The following LDLRAD4 variants were observed in gnomAD, a reference collection of about 807,000 sequenced individuals.
LDLRAD4 encodes the protein low-density lipoprotein receptor class A domain-containing protein 4.
LDLRAD4 carries 5 observed loss-of-function variants against 17.0 expected under a neutral mutation model. That is an observed-to-expected ratio of 0.29 (90% confidence interval 0.15 to 0.62). The LOEUF (loss-of-function observed/expected upper bound fraction) is 0.62, where lower values mean the gene tolerates loss of function less well. Among genes scored for constraint, LDLRAD4 ranks in the 20% least tolerant of loss-of-function variants. The pLI is 0.84. For synonymous variants in LDLRAD4, 168 were observed against 171.8 expected (o/e 0.98, Z 0.17); for missense variants, 340 against 424.7 (o/e 0.80, Z 1.75).
chr18:13,437,812 C>T (rs556143098), intron 2 of LDLRAD4, among the ~76,000 whole-genome samples: 81 of 152,338 alleles, frequency 5.3e-4, no homozygotes, highest in Non-Finnish European at 1.0e-3. Context: ...GTTAAGCCAG[C>T]GCTCCTGAGT....
chr18:13,610,305 T>TTTCTA (rs1491536129), intron 3 of LDLRAD4, among the ~76,000 whole-genome samples: 1 of 24,328 alleles, frequency 4.1e-5, no homozygotes, highest in Admixed American at 4.5e-4. Context: ...TTTTTTTTTT[T>TTTCTA]GAGACGGAGT....
intron 1 of LDLRAD4, among the ~76,000 whole-genome samples, chr18:13,221,952 T>C (rs1298050440): frequency 6.6e-6 from 1 of 152,220 alleles, no homozygotes; most frequent in African/African-American, 2.4e-5. Flanking sequence ...ATAAAAACTC[T>C]AAAGGGTATG....
intron 1 of LDLRAD4, among the ~76,000 whole-genome samples, chr18:13,342,477 C>CTTTTTTTTTTTTTTTTTTT (rs10706515): frequency 5.2e-5 from 2 of 38,668 alleles, no homozygotes; most frequent in Non-Finnish European, 9.4e-5. Flanking sequence ...GCCTTCCTGT[C>CTTTTTTTTTTTTTTTTTTT]TTTTTTTTTT....
chr18:13,334,420 G>C (rs1346880662), intron 1 of LDLRAD4, among the ~76,000 whole-genome samples: 1 of 152,090 alleles, frequency 6.6e-6, no homozygotes, highest in Non-Finnish European at 1.5e-5. Flanking sequence ...TGTATTTTTA[G>C]TAGAGACAGG....
exon 6 of LDLRAD4, chr18:13,648,303 C>T (rs1272614088): frequency 6.6e-6 from 1 of 152,220 alleles, no homozygotes; most frequent in Non-Finnish European, 1.5e-5. Flanking sequence ...AATCATCTTT[C>T]AAGAAAGAGG....
At chr18:13,292,330 G>A (rs1252056362) in intron 1 of LDLRAD4, among the ~76,000 whole-genome samples, 1 of 152,254 alleles carries the variant, frequency 6.6e-6, no homozygotes, top group East Asian at 1.9e-4. Flanking sequence ...TTGTGGCCCT[G>A]TGATCTGCGC....
intron 1 of LDLRAD4, among the ~76,000 whole-genome samples, chr18:13,344,132 G>T (rs1199247024): frequency 6.6e-6 from 1 of 152,150 alleles, no homozygotes; most frequent in Non-Finnish European, 1.5e-5. Flanking sequence ...ATTGCTTTTG[G>T]TGTTTTAAAC....
At chr18:13,594,718 A>T (rs1312333497) in intron 3 of LDLRAD4, among the ~76,000 whole-genome samples, 1 of 150,332 alleles carries the variant, frequency 6.7e-6, no homozygotes, top group Non-Finnish European at 1.5e-5. Flanking sequence ...AGTAAGAAGC[A>T]TTTGAAAATG....
rs2042984491 is a variant in LDLRAD4, at chr18:13,645,632, A to T, written c.896A>T (p.Asp299Val). 6.6e-7 allele frequency: 1 copy of T among 1,516,518 alleles called. No homozygotes were observed. The highest frequency in any genetic ancestry group is 2.3e-5 in the Admixed American group (1 of 44,276). The allele number at this position is 1,516,518 out of a possible 1,614,324, so 93.9% of individuals were successfully genotyped here. The change falls in exon 6 of 6, where the codon GAT becomes GTT. Residue 299 changes from aspartate to valine, a missense_variant. Physicochemically the swap from Asp to Val is radical, Grantham distance 152 (BLOSUM62 -3). Transcript: ENST00000359446. This position sits in a 1 kb window ranked among gnomAD's most constrained non-coding sequence, Gnocchi z 5.7. ...ACAATAGTACCCATCAAAGGCAAAGATAGGAAGCCTGGGAACCTGGTCTGA... is the reference window on the plus strand; with the variant it reads ...ACAATAGTACCCATCAAAGGCAAAGTTAGGAAGCCTGGGAACCTGGTCTGA...
chr18:13,570,024 G>C (rs1209967606), intron 3 of LDLRAD4, among the ~76,000 whole-genome samples: 1 of 152,250 alleles, frequency 6.6e-6, no homozygotes, highest in Admixed American at 6.5e-5. Flanking sequence ...GCTGGGCTTA[G>C]AAAGTGTTTT....
Position 13,449,230 on chromosome 18 carries a change from C to T in LDLRAD4, c.181+10846C>T, listed in dbSNP as rs534739507. Among the ~76,000 whole-genome samples the T allele has an allele frequency of 5.1e-4, 78 of 152,312 alleles. 1 individual carries two copies. The South Asian group carries it at 0.01, about 20-fold the overall frequency. ...TCCTAGAAAAATTGCCGTGGTCCTCCGGAAGGTCCAGCTGTCCTTAGAGGG... is the reference window on the plus strand; with the variant it reads ...TCCTAGAAAAATTGCCGTGGTCCTCTGGAAGGTCCAGCTGTCCTTAGAGGG... On this transcript the variant is annotated intron_variant, in intron 3 of 5. Coordinates refer to ENST00000359446, the Ensembl canonical transcript of LDLRAD4.
In LDLRAD4 at chr18:13,518,465, A is replaced by C. The variant is rs60417411; in HGVS notation, c.181+80081A>C. Among the ~76,000 whole-genome samples, 459 of 152,244 alleles carry C rather than the reference A, an allele frequency of 3.0e-3. 1 individual carries two copies. The highest frequency in any genetic ancestry group is 1.0e-2 in the African/African-American group (414 of 41,540). On this transcript the variant is annotated intron_variant, in intron 3 of 5. Transcript: ENST00000359446. ...GTTCCCAATGTCTTCTTTTCTTTTT[A>C]AGCTATTAAACATACTTAATTTTAC...
chr18:13,382,076 T>C (rs2085412582), intron 1 of LDLRAD4, among the ~76,000 whole-genome samples: 1 of 152,184 alleles, frequency 6.6e-6, no homozygotes, highest in Admixed American at 6.5e-5. Flanking sequence ...GTCACCTAGG[T>C]AACCGACATT....
At chr18:13,297,434 C>T (rs749655402) in intron 1 of LDLRAD4, among the ~76,000 whole-genome samples, 3 of 152,158 alleles carry the variant, frequency 2.0e-5, no homozygotes, top group Non-Finnish European at 4.4e-5. Flanking sequence ...GGAAGGGGAG[C>T]GCCTGTTCCA....
intron 3 of LDLRAD4, chr18:13,521,236 C>T (rs1340734109): frequency 6.6e-6 from 1 of 152,166 alleles, no homozygotes; most frequent in Non-Finnish European, 1.5e-5. Context: ...GCTATGAGGA[C>T]CTGAACACTT....
At chr18:13,404,820 A>G (rs1281431366) in intron 2 of LDLRAD4, among the ~76,000 whole-genome samples, 1 of 152,044 alleles carries the variant, frequency 6.6e-6, no homozygotes, top group Non-Finnish European at 1.5e-5. Flanking sequence ...AAATTATATT[A>G]AGATGCTTAA....
intron 3 of LDLRAD4, among the ~76,000 whole-genome samples, chr18:13,525,082 C>T (rs1648596): frequency 0.97 from 147,252 of 152,292 alleles, 71,392 homozygotes; most frequent in East Asian, 1. Flanking sequence ...CAGACACACG[C>T]GTACTCAGGT....
At chr18:13,546,395 G>A (rs976914508) in intron 3 of LDLRAD4, among the ~76,000 whole-genome samples, 2 of 128,652 alleles carry the variant, frequency 1.6e-5, no homozygotes, top group Non-Finnish European at 3.1e-5. Context: ...GCCTGACAGA[G>A]TCTTGCCCTG....
chr18:13,391,258 AG>A (rs1256263715), intron 2 of LDLRAD4, among the ~76,000 whole-genome samples: 1 of 152,110 alleles, frequency 6.6e-6, no homozygotes, highest in Admixed American at 6.5e-5. Flanking sequence ...TGGAGGGTAG[AG>A]GCTCAGAATT....
Sources: allele counts gnomAD v4.1 joint callset (sites outside exome capture counted in the v4.1 genomes callset), GRCh38; gene constraint gnomAD v4.1.1; non-coding constraint Gnocchi (gnomAD v3.1); transcripts MANE v1.5; gene names NCBI Gene and HGNC (gene_info 2026-07-23, HGNC 2026-07-21).